MACROH2A2: variants seen among roughly 807,000 people sequenced by gnomAD.
MACROH2A2 encodes the protein core histone macro-H2A.2.
Under a neutral mutation model 37.6 loss-of-function variants are expected in MACROH2A2, and 6 were observed. The observed-to-expected ratio is 0.16, with a 90% confidence interval of 0.09 to 0.32. The LOEUF (loss-of-function observed/expected upper bound fraction) is 0.32, where lower values mean the gene tolerates loss of function less well. Ranked by LOEUF, MACROH2A2 falls within the 10% of genes least tolerant of loss-of-function variation. The pLI, the probability that MACROH2A2 is intolerant of heterozygous loss-of-function variation, is 1.00. For synonymous variants in MACROH2A2, 192 were observed against 202.7 expected, an observed-to-expected ratio of 0.95 and a Z score of 0.45; for missense variants, 290 against 485.9, an observed-to-expected ratio of 0.60 and a Z score of 3.79.
intron 7 of MACROH2A2, among the ~76,000 whole-genome samples, chr10:70,104,360 AG>A (rs1353748053): frequency 6.6e-6 from 1 of 150,778 alleles, no homozygotes; most frequent in Non-Finnish European, 1.5e-5. Flanking sequence ...GTGGACAGAG[AG>A]GAAAAAAAAA....
At chr10:70,082,416 CAAAAAAA>C (rs540113997) in intron 2 of MACROH2A2, among the ~76,000 whole-genome samples, 3 of 120,888 alleles carry the variant, frequency 2.5e-5, no homozygotes, top group Non-Finnish European at 5.5e-5. Flanking sequence ...GAAACTGTGT[CAAAAAAA>C]AAAAAAAGAA....
Position 70,059,437 on chromosome 10 carries a change from G to A in MACROH2A2, c.-60+6437G>A, listed in dbSNP as rs900132811. Among the ~76,000 whole-genome samples, 9 of 151,350 alleles carry A rather than the reference G, an allele frequency of 5.9e-5. 1 individual carries two copies. Among genetic ancestry groups the A allele is most frequent in the Admixed American group, 5.9e-4 (9 of 15,190 alleles). ...ACCCAGGCTGGAGTGCAGTGGCGTGGTCTTGGCTCACTGCAACCTCTGCCT... is the reference window on the plus strand; with the variant it reads ...ACCCAGGCTGGAGTGCAGTGGCGTGATCTTGGCTCACTGCAACCTCTGCCT... On this transcript the variant is annotated intron_variant, in intron 1 of 8. Coordinates refer to ENST00000373255, the MANE Select transcript of MACROH2A2 (RefSeq NM_018649.3).
At chr10:70,090,218 A>G (rs1459274151) in intron 3 of MACROH2A2, 52 bp downstream of exon 3, 2 of 1,184,966 alleles carry the variant, frequency 1.7e-6, no homozygotes, top group Non-Finnish European at 2.5e-6. Flanking sequence ...CAAACATGCT[A>G]ATGTGTGGGC....
intron 7 of MACROH2A2, among the ~76,000 whole-genome samples, chr10:70,106,802 CAAAAAA>C (rs56986649): frequency 1.5e-5 from 1 of 65,376 alleles, no homozygotes; most frequent in Admixed American, 1.4e-4. Flanking sequence ...CATCCTGTCT[CAAAAAA>C]AAAAAAAAAA....
At chr10:70,094,756 G>A (rs1282301988) in intron 5 of MACROH2A2, among the ~76,000 whole-genome samples, 3 of 152,206 alleles carry the variant, frequency 2.0e-5, no homozygotes, top group Admixed American at 6.5e-5. Flanking sequence ...AATAGAGAAT[G>A]CCCTCCATTC....
At chr10:70,079,551 T>TCACG (rs1554822084) in intron 2 of MACROH2A2, among the ~76,000 whole-genome samples, 66 of 114,160 alleles carry the variant, frequency 5.8e-4, no homozygotes, top group African/African-American at 2.1e-3. Context: ...CGTTGAGGGT[T>TCACG]CGCGCGCGCG....
intron 1 of MACROH2A2, among the ~76,000 whole-genome samples, chr10:70,069,410 A>G (rs1564541354): frequency 6.6e-6 from 1 of 152,154 alleles, no homozygotes; most frequent in Non-Finnish European, 1.5e-5. Flanking sequence ...CTCTACGAGT[A>G]ATTATAAGAC....
At chr10:70,081,948 G>GTAT (rs920276079) in intron 2 of MACROH2A2, among the ~76,000 whole-genome samples, 1 of 152,014 alleles carries the variant, frequency 6.6e-6, no homozygotes, top group Non-Finnish European at 1.5e-5. Flanking sequence ...AAATATCTAT[G>GTAT]TACCCCATAC....
rs1026213649 is a variant in MACROH2A2, at chr10:70,108,186, C to T, written c.779-847C>T. ...TCGCACCACTGCACTCCAGCCTGGG[C>T]GACAGAAAAAGACTCTGTCTCAAAA... On this transcript the variant is annotated intron_variant, in intron 7 of 8. Coordinates refer to ENST00000373255, the MANE Select transcript of MACROH2A2 (RefSeq NM_018649.3). Among the ~76,000 whole-genome samples the T allele has an allele frequency of 7.9e-5, 12 of 151,626 alleles. No individual in the cohort carries two copies. The East Asian group carries it at 1.7e-3, about 22-fold the overall frequency.
Position 70,107,243 on chromosome 10 carries a change from G to A in MACROH2A2, c.779-1790G>A, listed in dbSNP as rs1589841863. 6.6e-6 allele frequency among the ~76,000 whole-genome samples: 1 copy of A among 152,174 alleles called. No individual in the cohort carries two copies. Among genetic ancestry groups the A allele is most frequent in the East Asian group, 1.9e-4 (1 of 5,190 alleles). On this transcript the variant is annotated intron_variant, in intron 7 of 8. Transcript: ENST00000373255. The surrounding 1 kb of genome is among the most constrained non-coding windows in gnomAD (Gnocchi z 4.4). ...CCCTGATGGACGAAGGGGTCCCTTGGATTTGGCTTCTACCCATGTGAGGAA... is the reference window on the plus strand; with the variant it reads ...CCCTGATGGACGAAGGGGTCCCTTGAATTTGGCTTCTACCCATGTGAGGAA...
At chr10:70,059,201 G>A (rs979050838) in intron 1 of MACROH2A2, among the ~76,000 whole-genome samples, 5 of 152,122 alleles carry the variant, frequency 3.3e-5, no homozygotes, top group Admixed American at 2.0e-4. Context: ...GGTTGGAGAG[G>A]ACCTCAGAGG....
chr10:70,091,330 G>A (rs987000406), intron 3 of MACROH2A2, among the ~76,000 whole-genome samples: 5 of 152,222 alleles, frequency 3.3e-5, no homozygotes, highest in African/African-American at 1.2e-4. Context: ...ATTAAATGGT[G>A]TATTACGCAG....
At chr10:70,093,504 G>A (rs2072258202) in intron 4 of MACROH2A2, among the ~76,000 whole-genome samples, 1 of 152,246 alleles carries the variant, frequency 6.6e-6, no homozygotes, top group African/African-American at 2.4e-5. Flanking sequence ...GGTGAGGACT[G>A]CAGGTATGTG....
At chr10:70,100,565 G>A (rs550051440) in intron 7 of MACROH2A2, among the ~76,000 whole-genome samples, 1 of 151,648 alleles carries the variant, frequency 6.6e-6, no homozygotes, top group Admixed American at 6.6e-5. Flanking sequence ...CTTTGCATGT[G>A]TGTGATAAAA....
In MACROH2A2 at chr10:70,079,780, G is replaced by A. The variant is rs560394482; in HGVS notation, c.172+3950G>A. On this transcript the variant is annotated intron_variant, in intron 2 of 8. Transcript: ENST00000373255. ...GGACCAAGGGTGCACAGTGGGGATG[G>A]TGAGAAGAAATGGAAAATCTGGGAG... 7.2e-5 allele frequency among the ~76,000 whole-genome samples: 11 copies of A among 152,294 alleles called. No homozygotes were observed. In the South Asian group the frequency reaches 2.3e-3, roughly 32 times the overall value.
chr10:70,110,650 T>C (rs1319058917), intron 8 of MACROH2A2, among the ~76,000 whole-genome samples: 2 of 151,628 alleles, frequency 1.3e-5, no homozygotes, highest in Non-Finnish European at 1.5e-5. Flanking sequence ...TTTAGGAGGC[T>C]GAGGCAGGAG....
intron 1 of MACROH2A2, among the ~76,000 whole-genome samples, chr10:70,061,398 C>T (rs2072049394): frequency 6.6e-6 from 1 of 152,164 alleles, no homozygotes; most frequent in Non-Finnish European, 1.5e-5. Flanking sequence ...ATCCAAGTAC[C>T]ACAGGTGGCC....
At chr10:70,106,379 G>T (rs2072337569) in intron 7 of MACROH2A2, among the ~76,000 whole-genome samples, 1 of 152,186 alleles carries the variant, frequency 6.6e-6, no homozygotes. Context: ...ATGGCTACAA[G>T]CTGTGTTATT....
intron 2 of MACROH2A2, among the ~76,000 whole-genome samples, chr10:70,087,421 C>T (rs552501755): frequency 1.6e-4 from 25 of 151,920 alleles, no homozygotes; most frequent in Non-Finnish European, 2.4e-4. Context: ...TTAGTAGAGA[C>T]GGGGTTTCAC....
Sources: gnomAD v4.1 joint callset for allele counts (sites outside exome capture counted in the v4.1 genomes callset) on GRCh38, gnomAD v4.1.1 for gene constraint, Gnocchi (gnomAD v3.1) non-coding constraint, MANE v1.5 for transcripts, NCBI Gene and HGNC (gene_info 2026-07-23, HGNC 2026-07-21) for gene names.